GRB10: variants seen among roughly 807,000 people sequenced by gnomAD.
The protein encoded by GRB10 is growth factor receptor bound protein 10.
GRB10 carries 20 observed loss-of-function variants against 80.9 expected under a neutral mutation model. The ratio of observed to expected loss-of-function variants is 0.25; its 90% CI spans 0.17 to 0.36. The LOEUF (loss-of-function observed/expected upper bound fraction) is 0.36, where lower values mean the gene tolerates loss of function less well. GRB10 is among the 10% of genes least tolerant of loss of function. The probability of loss-of-function intolerance (pLI) is 1.00; values close to 1 mark genes in which losing one functional copy is unlikely to be tolerated. For synonymous variants in GRB10, 291 were observed against 291.5 expected (o/e 1.00, Z 0.02); for missense variants, 548 against 747.7 (o/e 0.73, Z 3.12).
intron 4 of GRB10, among the ~76,000 whole-genome samples, chr7:50,731,021 A>C (rs2069622965): frequency 6.6e-6 from 1 of 152,160 alleles, no homozygotes; most frequent in Non-Finnish European, 1.5e-5. Context: ...CGAGAACTGG[A>C]CTTGTGACCT....
chr7:50,601,626 A>C (rs779310641), intron 17 of GRB10, among the ~76,000 whole-genome samples: 2 of 152,210 alleles, frequency 1.3e-5, no homozygotes, highest in Non-Finnish European at 2.9e-5. Flanking sequence ...TGTAATATAA[A>C]GTAATAAGTA....
At chr7:50,614,955 G>A in intron 11 of GRB10, 75 bp from the exon 12 acceptor site, 1 of 877,734 alleles carries the variant, frequency 1.1e-6, no homozygotes, top group East Asian at 2.4e-5. Flanking sequence ...TAGACAGAGG[G>A]CAGTCTCTGC....
intron 10 of GRB10, 196 bp downstream of exon 10, chr7:50,617,875 C>T (rs1484369619): frequency 3.1e-6 from 2 of 636,472 alleles, no homozygotes; most frequent in Admixed American, 2.5e-5. Context: ...CCCAGCTACA[C>T]ACAGATTTTC....
chr7:50,711,983 T>C (rs75605111), intron 4 of GRB10, among the ~76,000 whole-genome samples: 1,575 of 152,106 alleles, frequency 0.01, 25 homozygotes, highest in African/African-American at 0.034. Context: ...GTGAGACCCA[T>C]TGGGGCTGAA....
intron 4 of GRB10, among the ~76,000 whole-genome samples, chr7:50,730,020 T>C (rs2069381501): frequency 6.6e-6 from 1 of 152,122 alleles, no homozygotes; most frequent in East Asian, 1.9e-4. Flanking sequence ...TTTCCTCTAA[T>C]CCCTGCTACA....
At chr7:50,705,103 G>A in intron 4 of GRB10, 1 of 973,302 alleles carries the variant, frequency 1.0e-6, no homozygotes, top group Non-Finnish European at 1.2e-6. Context: ...GCATGAAATG[G>A]GATGGATGCT....
intron 13 of GRB10, among the ~76,000 whole-genome samples, chr7:50,609,591 T>C (rs1302034765): frequency 6.6e-6 from 1 of 152,230 alleles, no homozygotes; most frequent in African/African-American, 2.4e-5. Flanking sequence ...GCTGCGTTCA[T>C]TGCCTTTTCA....
intron 7 of GRB10, among the ~76,000 whole-genome samples, chr7:50,627,264 A>G (rs2053079018): frequency 6.6e-6 from 1 of 152,140 alleles, no homozygotes; most frequent in African/African-American, 2.4e-5. Context: ...TAAACCACCA[A>G]ACCTGTCTTA....
In GRB10 at chr7:50,668,477, G is replaced by A. The variant is rs1323123628; in HGVS notation, c.504+1245C>T. Among the ~76,000 whole-genome samples, 8 of 152,308 alleles carry A rather than the reference G, an allele frequency of 5.3e-5. 1 individual carries two copies. The highest frequency in any genetic ancestry group is 4.1e-4 in the South Asian group (2 of 4,828). On this transcript the variant is annotated intron_variant, in intron 7 of 18. Coordinates refer to ENST00000401949, the MANE Select transcript of GRB10 (RefSeq NM_001350814.2). ...TTCTGAGGCCGGGTCACACTCAGCC[G>A]CACCATCAGGTCTCAGCCACACTCA... is the stretch of plus-strand genomic sequence containing the variant.
chr7:50,709,831 C>T (rs1587260925), intron 4 of GRB10, among the ~76,000 whole-genome samples: 1 of 152,010 alleles, frequency 6.6e-6, no homozygotes, highest in Non-Finnish European at 1.5e-5. Context: ...GGCTCCCAGG[C>T]CCCAGCCAGA....
intron 8 of GRB10, among the ~76,000 whole-genome samples, chr7:50,626,463 C>T (rs947891328): frequency 3.9e-5 from 6 of 152,238 alleles, no homozygotes; most frequent in Non-Finnish European, 8.8e-5. Context: ...CCAGCTCTCT[C>T]CAGAGCACCT....
At chr7:50,694,561 C>A (rs1022081849) in intron 5 of GRB10, among the ~76,000 whole-genome samples, 1 of 152,146 alleles carries the variant, frequency 6.6e-6, no homozygotes, top group Non-Finnish European at 1.5e-5. Context: ...CCTGTCTCCA[C>A]CCAAACTAGG....
chr7:50,745,286 T>G, intron 3 of GRB10, among the ~76,000 whole-genome samples: 1 of 152,372 alleles, frequency 6.6e-6, no homozygotes, highest in Non-Finnish European at 1.5e-5. Flanking sequence ...CTTATTGTTC[T>G]CTGATATATT....
chr7:50,595,218 G>T (rs2046422187), intron 18 of GRB10, among the ~76,000 whole-genome samples: 1 of 152,044 alleles, frequency 6.6e-6, no homozygotes, highest in Admixed American at 6.6e-5. Context: ...GCTCAAGGGG[G>T]GCCTCAACAC....
At chr7:50,702,726 G>A (rs372565951) in intron 5 of GRB10, among the ~76,000 whole-genome samples, 10 of 152,144 alleles carry the variant, frequency 6.6e-5, no homozygotes, top group Non-Finnish European at 1.2e-4. Context: ...TGTGCTCCAC[G>A]TTCTGTGCTG....
At chr7:50,750,989 C>G (rs1236759204) in intron 3 of GRB10, among the ~76,000 whole-genome samples, 1 of 152,190 alleles carries the variant, frequency 6.6e-6, no homozygotes, top group Admixed American at 6.5e-5. Flanking sequence ...CTCTGAGGGT[C>G]CACAGTGGCT....
At chr7:50,732,037 G>A (rs372845429) in intron 4 of GRB10, among the ~76,000 whole-genome samples, 15 of 152,330 alleles carry the variant, frequency 9.8e-5, no homozygotes, top group African/African-American at 1.7e-4. Context: ...AGAAAAGTAC[G>A]CACAGTCAAA....
chr7:50,606,582 G>T, intron 13 of GRB10, 168 bp from the exon 14 acceptor site: 1 of 657,232 alleles, frequency 1.5e-6, no homozygotes, highest in Non-Finnish European at 2.8e-6. Context: ...ACAGGGATTA[G>T]GAGCAATGAC....
chr7:50,701,278 C>A (rs1020754299), intron 5 of GRB10, among the ~76,000 whole-genome samples: 25 of 152,312 alleles, frequency 1.6e-4, no homozygotes, highest in Middle Eastern at 3.4e-3. Flanking sequence ...TATCCACATT[C>A]CGTCTTCCTC....
Sources: gnomAD v4.1 joint callset for allele counts (sites outside exome capture counted in the v4.1 genomes callset) on GRCh38, gnomAD v4.1.1 for gene constraint, MANE v1.5 for transcripts, NCBI Gene and HGNC (gene_info 2026-07-23, HGNC 2026-07-21) for gene names.